Variants in HACL1 observed in about 807,000 individuals in gnomAD.
HACL1 encodes 1600020H07Rik.
In HACL1, 64 loss-of-function variants were observed where a neutral mutation model predicts 74.2. The ratio of observed to expected loss-of-function variants is 0.86; its 90% CI spans 0.70 to 1.06. The LOEUF is 1.06. Among genes scored for constraint, HACL1 ranks in the 50% least tolerant of loss-of-function variants. HACL1 has a pLI of 0.00. For missense variants in HACL1, 728 were observed against 719.7 expected (o/e 1.01, Z -0.13); for synonymous variants, 230 against 238.8 (o/e 0.96, Z 0.34).
chr3:15,563,294 CTTTTTGGAGGGGG>C, intron 16 of HACL1, 51 bp downstream of exon 16: 1 of 1,117,688 alleles, frequency 8.9e-7, no homozygotes, highest in South Asian at 1.3e-5. Flanking sequence ...TTGGTAGATA[CTTTTTGGAGGGGG>C]ATAGGGGAAG....
At chr3:15,579,671 A>T (rs1448344932) in intron 9 of HACL1, among the ~76,000 whole-genome samples, 1 of 152,188 alleles carries the variant, frequency 6.6e-6, no homozygotes, top group Non-Finnish European at 1.5e-5. Flanking sequence ...ACAAAAGACA[A>T]AGGAAAATCT....
intron 12 of HACL1, among the ~76,000 whole-genome samples, chr3:15,570,009 A>T (rs548755998): frequency 1.3e-5 from 2 of 150,696 alleles, no homozygotes; most frequent in Admixed American, 6.6e-5. Context: ...AAAAAAATTG[A>T]GACTGGCTCC....
At chr3:15,586,468 G>A in intron 6 of HACL1, 57 bp downstream of exon 6, 1 of 881,342 alleles carries the variant, frequency 1.1e-6, no homozygotes, top group Non-Finnish European at 1.9e-6. Context: ...ATAACAGTAA[G>A]TATGAGCAAC....
At chr3:15,578,924 G>C (rs564229212) in intron 9 of HACL1, among the ~76,000 whole-genome samples, 1 of 152,322 alleles carries the variant, frequency 6.6e-6, no homozygotes, top group African/African-American at 2.4e-5. Context: ...GCCTACAGAG[G>C]AGAGAAAATA....
chr3:15,567,824 G>A lies in HACL1; in HGVS notation c.1409+20C>T. ...CATATTCTAGAGAATCAAATGCTCT[G>A]ATTCAGGATGATGTTTTACCTGCAG... On this transcript the variant is annotated intron_variant, in intron 14 of 16. Coordinates refer to ENST00000321169, the MANE Select transcript of HACL1 (RefSeq NM_012260.4). The A allele has an allele frequency of 6.2e-7, 1 of 1,605,586 alleles. No individual in the cohort carries two copies. The highest frequency in any genetic ancestry group is 8.5e-7 in the Non-Finnish European group (1 of 1,172,228).
rs1340693779 is a variant in HACL1 at position 15,583,008 on chromosome 3, ATTAAT to A, written c.555-24_555-20del. 1 of 1,269,424 alleles carries A rather than the reference ATTAAT, an allele frequency of 7.9e-7. No homozygotes were observed. Among genetic ancestry groups the A allele is most frequent in the African/African-American group, 1.5e-5 (1 of 67,058 alleles). The allele number at this position is 1,269,424 out of a possible 1,614,324, so 78.6% of individuals were successfully genotyped here. On this transcript the variant is annotated intron_variant, in intron 7 of 16. Coordinates refer to ENST00000321169, the MANE Select transcript of HACL1 (RefSeq NM_012260.4). ...CATGTACCTGGAAAAAAAGAGCCCT[ATTAAT>A]TAAAAGAGGCCAACTATGATCTTTT...
At chr3:15,582,367 C>T (rs1260191415) in intron 8 of HACL1, among the ~76,000 whole-genome samples, 3 of 152,072 alleles carry the variant, frequency 2.0e-5, no homozygotes, top group Non-Finnish European at 4.4e-5. Flanking sequence ...CTACTCTAAA[C>T]AGTTACTGGC....
At chr3:15,565,828 C>A (rs1053657188) in intron 14 of HACL1, among the ~76,000 whole-genome samples, 1 of 152,038 alleles carries the variant, frequency 6.6e-6, no homozygotes, top group South Asian at 2.1e-4. Flanking sequence ...TAACCAATTG[C>A]GGGTCAAAAA....
intron 16 of HACL1, among the ~76,000 whole-genome samples, chr3:15,561,291 A>G (rs1001879947): frequency 6.6e-6 from 1 of 152,222 alleles, no homozygotes; most frequent in African/African-American, 2.4e-5. Context: ...CATCCTATAC[A>G]TATGGCCTGG....
chr3:15,591,574 G>C (rs1417220854), intron 4 of HACL1, 26 bp downstream of exon 4: 1 of 1,391,066 alleles, frequency 7.2e-7, no homozygotes, highest in South Asian at 1.2e-5. Flanking sequence ...TTAAGAAAAT[G>C]TTTTCAGTAA....
At chr3:15,601,009 A>G (rs984571130) in intron 2 of HACL1, 81 bp downstream of exon 2, 1 of 822,726 alleles carries the variant, frequency 1.2e-6, no homozygotes, top group African/African-American at 1.7e-5. Context: ...GGTAAGCGCT[A>G]TCTGGGTGTT....
At chr3:15,582,168 A>G (rs566298950) in intron 8 of HACL1, among the ~76,000 whole-genome samples, 1 of 152,350 alleles carries the variant, frequency 6.6e-6, no homozygotes, top group South Asian at 2.1e-4. Context: ...TCAGTTCCAG[A>G]ACACGAAATG....
At chr3:15,596,848 T>G (rs2064076105) in intron 2 of HACL1, among the ~76,000 whole-genome samples, 4 of 152,188 alleles carry the variant, frequency 2.6e-5, no homozygotes, top group African/African-American at 7.2e-5. Context: ...TCTATTTCAT[T>G]GATTTCTGTT....
intron 7 of HACL1, among the ~76,000 whole-genome samples, chr3:15,583,651 CTTTT>C (rs1390837901): frequency 4.6e-4 from 67 of 144,268 alleles, no homozygotes; most frequent in African/African-American, 1.6e-3. Flanking sequence ...TTTTTTTTTT[CTTTT>C]CTTTTTTTTT....
intron 9 of HACL1, among the ~76,000 whole-genome samples, chr3:15,577,869 C>T (rs915434132): frequency 2.3e-4 from 35 of 151,904 alleles, no homozygotes; most frequent in Middle Eastern, 6.8e-3. Context: ...GAGGCTGAGG[C>T]GGGCGGATCA....
chr3:15,568,345 C>G, intron 13 of HACL1, 87 bp downstream of exon 13: 1 of 840,574 alleles, frequency 1.2e-6, no homozygotes, highest in Non-Finnish European at 1.9e-6. Context: ...TATTAATTCT[C>G]AAACGTCTTC....
At chr3:15,592,528 A>ACATGTATACACATGTACGCACGTGTG (rs2063956524) in intron 3 of HACL1, among the ~76,000 whole-genome samples, 1 of 144,934 alleles carries the variant, frequency 6.9e-6, no homozygotes, top group Admixed American at 7.0e-5. Context: ...ATACATATAC[A>ACATGTATACACATGTACGCACGTGTG]CATGTATACA....
rs771461962 is a variant in HACL1 at position 15,571,672 on chromosome 3, G to A, written c.1091C>T (p.Ser364Phe). The change falls in exon 12 of 17, where the codon TCC (serine) becomes TTC (phenylalanine). Residue 364 changes from serine to phenylalanine, a missense_variant. By Grantham distance (155) the Ser-to-Phe change is radical. Coordinates refer to ENST00000321169, the MANE Select transcript of HACL1 (RefSeq NM_012260.4). ...CGTCAGTAGGTCCGATTTTACCTTG[G>A]ATGCAGCTTCATTGCTCTTCATTTT... ...REKMKSNEAA[S>F]KELASKKSLP... 3.4e-5 allele frequency: 46 copies of A among 1,353,550 alleles called. No individual in the cohort carries two copies. The South Asian group carries it at 5.2e-4, about 15-fold the overall frequency. 83.8% of individuals were successfully genotyped at this position (1,353,550 alleles called of 1,614,324 possible).
chr3:15,566,990 T>C (rs1254921143), intron 14 of HACL1, among the ~76,000 whole-genome samples: 1 of 151,600 alleles, frequency 6.6e-6, no homozygotes, highest in Non-Finnish European at 1.5e-5. Context: ...TGGCTATTTT[T>C]TGTATTTTTA....
Sources: gnomAD v4.1 joint callset for allele counts (sites outside exome capture counted in the v4.1 genomes callset) on GRCh38, gnomAD v4.1.1 for gene constraint, MANE v1.5 for transcripts, NCBI Gene and HGNC (gene_info 2026-07-23, HGNC 2026-07-21) for gene names.